The following SPAG17 variants were observed in gnomAD, a reference collection of about 807,000 sequenced individuals.
SPAG17 encodes the protein sperm associated antigen 17.
SPAG17 carries 169 observed loss-of-function variants against 273.6 expected under a neutral mutation model. That is an observed-to-expected ratio of 0.62 (90% CI 0.55 to 0.70). The LOEUF (loss-of-function observed/expected upper bound fraction) is 0.70, where lower values mean the gene tolerates loss of function less well. Ranked by LOEUF, SPAG17 falls within the 30% of genes least tolerant of loss-of-function variation. The pLI, the probability that SPAG17 is intolerant of heterozygous loss-of-function variation, is 0.00. For synonymous variants in SPAG17, 825 were observed against 873.2 expected (o/e 0.94, Z 0.97); for missense variants, 2,557 against 2,627.8 (o/e 0.97, Z 0.59).
chr1:118,091,930 C>T lies in SPAG17; in HGVS notation c.1246G>A (p.Val416Met), dbSNP rs1655402231. Residue 416 changes from valine to methionine, a missense_variant and splice_region_variant, in exon 9 of 49, where the codon GTG (valine) becomes ATG (methionine). Coordinates refer to ENST00000336338, the MANE Select transcript of SPAG17 (RefSeq NM_206996.4). Reference sequence around the variant, plus strand: ...CTCCAGCAGCCGATTTCATACATGCCTGGTGGTGGAGCTTGCGGTTCTTCA... The same window carrying T: ...CTCCAGCAGCCGATTTCATACATGCTTGGTGGTGGAGCTTGCGGTTCTTCA... The part of the protein sequence containing the change: ...QYEEPQAPPP[V>M]TSVITTEVDM... 1 of 1,613,450 alleles carries T rather than the reference C, an allele frequency of 6.2e-7. No homozygotes were observed. Among genetic ancestry groups the T allele is most frequent in the Non-Finnish European group, 8.5e-7 (1 of 1,179,608 alleles).
intron 3 of SPAG17, among the ~76,000 whole-genome samples, chr1:118,137,024 T>G (rs956638865): frequency 2.0e-5 from 3 of 152,080 alleles, no homozygotes; most frequent in African/African-American, 7.2e-5. Flanking sequence ...ATCTCATTAG[T>G]TACGAAATGT....
In SPAG17 at chr1:118,185,080, C is replaced by T. The variant is rs1410759893; in HGVS notation, c.78G>A (p.Gln26=). 1 of 1,613,962 alleles carries T rather than the reference C, an allele frequency of 6.2e-7. No individual in the cohort carries two copies. The highest frequency in any genetic ancestry group is 8.5e-7 in the Non-Finnish European group (1 of 1,179,922). Residue 26 remains glutamine (Q), a synonymous_variant, in exon 1 of 49, where the codon CAG becomes CAA. Transcript: ENST00000336338. ...AGGGCTCAAGGCTCACCTGATTGAA[C>T]TGTGCAGCTATGAGCGAGGGTTCCC... The part of the protein sequence containing the change: ...KIWEPSLIAA[Q]FNQNDWQASI...
Position 117,981,354 on chromosome 1 carries a change from T to G in SPAG17, c.5920A>C (p.Ser1974Arg), listed in dbSNP as rs759203144. The part of the protein sequence containing the change: ...VSEQKSSSVP[S>R]LPKPEISADK... ...GCAGAAATCTCTGGTTTTGGAAGAC[T>G]AGGCACACTTGAGGATTTCTGTTCT... The change falls in exon 43 of 49, where the codon AGT becomes CGT. Residue 1974 changes from serine to arginine, a missense_variant. Coordinates refer to ENST00000336338, the MANE Select transcript of SPAG17 (RefSeq NM_206996.4). 1 of 1,602,238 alleles carries G rather than the reference T, an allele frequency of 6.2e-7. No homozygotes were observed. The highest frequency in any genetic ancestry group is 8.5e-7 in the Non-Finnish European group (1 of 1,177,392).
intron 47 of SPAG17, chr1:117,966,240 T>C: frequency 6.1e-6 from 1 of 163,826 alleles, no homozygotes; most frequent in Non-Finnish European, 1.3e-5. Flanking sequence ...TAAGGAGGAA[T>C]GCATGCATAA....
chr1:117,982,585 C>G (rs970034976), intron 42 of SPAG17, among the ~76,000 whole-genome samples: 1 of 152,162 alleles, frequency 6.6e-6, no homozygotes, highest in Non-Finnish European at 1.5e-5. Flanking sequence ...GAGAGAAACA[C>G]TACATTTTAT....
rs548512310 is a variant in SPAG17, at chr1:117,991,271, A to G, written c.5475+144T>C. Reference sequence around the variant, plus strand: ...GAAAATGCAATATATAGACAAATGGATTTCCACAAAAATTGAAAATTATGA... The same window carrying G: ...GAAAATGCAATATATAGACAAATGGGTTTCCACAAAAATTGAAAATTATGA... On this transcript the variant is annotated intron_variant, in intron 37 of 48. Coordinates refer to ENST00000336338, the MANE Select transcript of SPAG17 (RefSeq NM_206996.4). 23 of 512,050 alleles carry G rather than the reference A, an allele frequency of 4.5e-5. 1 individual carries two copies. Among genetic ancestry groups the G allele is most frequent in the Admixed American group, 1.2e-4 (3 of 25,454 alleles). The allele number at this position is 512,050 out of a possible 1,614,324, so 31.7% of individuals were successfully genotyped here. A position where few individuals can be genotyped will look rare whatever the true frequency, so the allele number is the denominator to read the frequency against.
chr1:118,119,125 A>G (rs1436728227), intron 3 of SPAG17, among the ~76,000 whole-genome samples: 1 of 152,188 alleles, frequency 6.6e-6, no homozygotes, highest in Non-Finnish European at 1.5e-5. Flanking sequence ...GTGTGTGTGC[A>G]TACATATATA....
chr1:118,091,728 A>G lies in SPAG17; in HGVS notation c.1247-10T>C. The stretch of plus-strand genomic sequence containing the variant: ...GTGATGACTGAAGTCACTGTAAAAT[A>G]TAGAAAATACCATTGCCCAATTAAG... On this transcript the variant is annotated splice_polypyrimidine_tract_variant and intron_variant, in intron 9 of 48. Transcript: ENST00000336338. 6.5e-7 allele frequency: 1 copy of G among 1,535,536 alleles called. No homozygotes were observed. The highest frequency in any genetic ancestry group is 1.4e-5 in the African/African-American group (1 of 73,372).
Position 117,991,963 on chromosome 1 carries a change from T to C in SPAG17, c.5362-435A>G, listed in dbSNP as rs565884842. Among the ~76,000 whole-genome samples the C allele has an allele frequency of 2.0e-5, 3 of 152,322 alleles. No homozygotes were observed. In the South Asian group the frequency reaches 6.2e-4, roughly 32 times the overall value. On this transcript the variant is annotated intron_variant, in intron 36 of 48. Transcript: ENST00000336338. ...TTCATAAGTATTTGATCAATTTCTA[T>C]AACTAATAATACCCTGCTCTGTGCC... is the stretch of plus-strand genomic sequence containing the variant.
chr1:118,107,626 C>T (rs1656483169), intron 4 of SPAG17, among the ~76,000 whole-genome samples: 1 of 152,106 alleles, frequency 6.6e-6, no homozygotes, highest in African/African-American at 2.4e-5. Context: ...TCCCGAGTAG[C>T]TGGGACAACA....
intron 17 of SPAG17, 147 bp downstream of exon 17, chr1:118,073,707 G>T: frequency 2.0e-6 from 1 of 509,138 alleles, no homozygotes. Context: ...CTCAAGCTGG[G>T]AGTAAATTTA....
At position 118,062,366 on chromosome 1, in the gene SPAG17, C is replaced by CA. The variant is rs56029752; in HGVS notation, c.2540+4378dup. On this transcript the variant is annotated intron_variant, in intron 18 of 48. Coordinates refer to ENST00000336338, the MANE Select transcript of SPAG17 (RefSeq NM_206996.4). ...TGGGCGACAGAGCGAGACTCCATCTCAAAAAAAAAAAAAAAAAAAAATTAA... is the reference window on the plus strand; with the variant it reads ...TGGGCGACAGAGCGAGACTCCATCTCAAAAAAAAAAAAAAAAAAAAAATTAA... 8.2e-3 allele frequency among the ~76,000 whole-genome samples: 379 copies of CA among 46,162 alleles called. 16 individuals are homozygous for CA. The highest frequency in any genetic ancestry group is 0.013 in the East Asian group (21 of 1,624). The allele number at this position is 46,162 out of a possible 152,430, so 30.3% of individuals were successfully genotyped here. A position where few individuals can be genotyped will look rare whatever the true frequency, so the allele number is the denominator to read the frequency against.
intron 43 of SPAG17, among the ~76,000 whole-genome samples, chr1:117,974,504 TGAAA>T (rs1334737343): frequency 6.6e-6 from 1 of 151,866 alleles, no homozygotes; most frequent in Non-Finnish European, 1.5e-5. Context: ...ACATTAACTC[TGAAA>T]GATTTATTAA....
intron 32 of SPAG17, 44 bp downstream of exon 32, chr1:118,005,370 A>G: frequency 6.8e-7 from 1 of 1,475,702 alleles, no homozygotes. Context: ...ATATCTCAAA[A>G]GCAAAGCCAC....
chr1:118,073,772 C>A, intron 17 of SPAG17, 82 bp downstream of exon 17: 2 of 859,430 alleles, frequency 2.3e-6, no homozygotes, highest in East Asian at 2.8e-5. Flanking sequence ...GAGAGAATGA[C>A]CTGGAGGTGA....
In SPAG17 at chr1:118,066,747, G is replaced by A. The variant is rs773504287; in HGVS notation, c.2538C>T (p.Phe846=). ...WNIALHSNVG[F]RNYLELVAKS... Reference sequence around the variant, plus strand: ...ACTAAACTTTCCAAATTTGTTACCTGAATCCAACATTGGAGTGGAGAGCAA... The same window carrying A: ...ACTAAACTTTCCAAATTTGTTACCTAAATCCAACATTGGAGTGGAGAGCAA... Residue 846 remains phenylalanine (F), a splice_region_variant and synonymous_variant, in exon 18 of 49, where the codon TTC becomes TTT. Transcript: ENST00000336338. 14 of 1,605,380 alleles carry A rather than the reference G, an allele frequency of 8.7e-6. No homozygotes were observed. Among genetic ancestry groups the A allele is most frequent in the Non-Finnish European group, 1.2e-5 (14 of 1,177,610 alleles).
At chr1:118,040,658 G>C in intron 22 of SPAG17, 72 bp downstream of exon 22, 1 of 1,017,862 alleles carries the variant, frequency 9.8e-7, no homozygotes, top group South Asian at 1.3e-5. Flanking sequence ...AAACTCAGGA[G>C]TAGAGGGCCC....
rs1653457804 is a variant in SPAG17 at position 117,963,903 on chromosome 1, T to C, written c.6568A>G (p.Lys2190Glu). 6.2e-7 allele frequency: 1 copy of C among 1,613,938 alleles called. No individual in the cohort carries two copies. The highest frequency in any genetic ancestry group is 8.5e-7 in the Non-Finnish European group (1 of 1,179,944). The change falls in exon 48 of 49, where the codon AAA (lysine) becomes GAA (glutamate). Residue 2190 changes from lysine to glutamate, a missense_variant. Transcript: ENST00000336338. ...LTSSNYDKRP[K>E]DFPQGKENPM... is the part of the protein sequence containing the mutation. Reference sequence around the variant, plus strand: ...TTTTCTTTTCCCTGGGGAAAGTCTTTTGGTCGTTTATCATAATTGCTGCTT... The same window carrying C: ...TTTTCTTTTCCCTGGGGAAAGTCTTCTGGTCGTTTATCATAATTGCTGCTT...
intron 13 of SPAG17, among the ~76,000 whole-genome samples, chr1:118,085,101 G>A (rs929305334): frequency 4.6e-5 from 7 of 152,252 alleles, no homozygotes; most frequent in African/African-American, 1.7e-4. Context: ...GTTCCTTCCT[G>A]TCCTCATGTG....
Sources: gnomAD v4.1 joint callset for allele counts (sites outside exome capture counted in the v4.1 genomes callset) on GRCh38, gnomAD v4.1.1 for gene constraint, MANE v1.5 for transcripts, NCBI Gene and HGNC (gene_info 2026-07-23, HGNC 2026-07-21) for gene names.